POLR2F: variants seen among roughly 807,000 people sequenced by gnomAD.
POLR2F encodes RNA polymerase II, I and III subunit F.
In POLR2F, 12 loss-of-function variants were observed where a neutral mutation model predicts 22.7. The observed-to-expected ratio is 0.53, with a 90% CI of 0.34 to 0.86. POLR2F has a LOEUF of 0.86. Among genes scored for constraint, POLR2F ranks in the 40% least tolerant of loss-of-function variants. The pLI is 0.02. For synonymous variants in POLR2F, 57 were observed against 66.0 expected (o/e 0.86, Z 0.66); for missense variants, 126 against 171.5 (o/e 0.73, Z 1.48).
intron 1 of POLR2F, among the ~76,000 whole-genome samples, chr22:38,013,894 G>A (rs909077269): frequency 2.0e-5 from 3 of 152,086 alleles, no homozygotes; most frequent in East Asian, 1.9e-4. Flanking sequence ...AGGCTGAGGC[G>A]GGCGGATCAC....
intron 1 of POLR2F, among the ~76,000 whole-genome samples, chr22:38,018,016 TG>T (rs2084929409): frequency 6.6e-6 from 1 of 152,236 alleles, no homozygotes; most frequent in African/African-American, 2.4e-5. Flanking sequence ...CAGATCCTCC[TG>T]GGCTTCAGCT....
chr22:37,995,995 C>T (rs561692457), intron 1 of POLR2F, among the ~76,000 whole-genome samples: 13 of 152,202 alleles, frequency 8.5e-5, no homozygotes, highest in African/African-American at 2.4e-4. Flanking sequence ...GAGTGAGACC[C>T]TGTCTCAAAA....
At chr22:38,035,043 T>C (rs996014613) in intron 5 of POLR2F, among the ~76,000 whole-genome samples, 2 of 151,968 alleles carry the variant, frequency 1.3e-5, no homozygotes, top group South Asian at 2.1e-4. Flanking sequence ...TCTTGGCCTC[T>C]GCAAATCCTG....
At position 37,959,339 on chromosome 22, in the gene POLR2F, T is replaced by G. The variant is rs773785990; in HGVS notation, c.91-7T>G. The G allele has an allele frequency of 2.5e-6, 4 of 1,612,838 alleles. No individual in the cohort carries two copies. Among genetic ancestry groups the G allele is most frequent in the Middle Eastern group, 1.7e-4 (1 of 6,048 alleles). ...AGTCTTTCCCTCTTTTTTGTCTTGG[T>G]GTCCAGGAAGGCCAGGAGAATGTCG... On this transcript the variant is annotated splice_region_variant and splice_polypyrimidine_tract_variant and intron_variant, in intron 2 of 4. Transcript: ENST00000442738.
At position 38,020,560 on chromosome 22, in the gene POLR2F, A is replaced by G. The variant is rs77584029; in HGVS notation, c.121-5309A>G. Among the ~76,000 whole-genome samples, 1,494 of 151,138 alleles carry G rather than the reference A, an allele frequency of 9.9e-3. 27 individuals are homozygous for G. The highest frequency in any genetic ancestry group is 0.035 in the African/African-American group (1,446 of 41,134). On this transcript the variant is annotated intron_variant, in intron 1 of 2. Transcript: ENST00000333418. The stretch of plus-strand genomic sequence containing the variant: ...GCTGGGATTACAGGCATAAGCCACC[A>G]TGCCCGGCCTCTACTAAAAATTAAA...
At chr22:38,008,494 G>A (rs1180379338) in intron 1 of POLR2F, among the ~76,000 whole-genome samples, 2 of 151,472 alleles carry the variant, frequency 1.3e-5, no homozygotes, top group African/African-American at 2.4e-5. Context: ...GCAGTGAGCC[G>A]AGATCATGCC....
chr22:38,035,774 G>A (rs976045650), intron 5 of POLR2F, among the ~76,000 whole-genome samples: 7 of 152,314 alleles, frequency 4.6e-5, no homozygotes, highest in Admixed American at 2.6e-4. Context: ...GCGGGTGGGA[G>A]GTGCTGCCCC....
Position 37,986,946 on chromosome 22 carries a change from A to G in POLR2F, c.120+634A>G. On this transcript the variant is annotated intron_variant, in intron 1 of 2. Coordinates refer to the POLR2F transcript ENST00000333418. The surrounding 1 kb of genome is among the most constrained non-coding windows in gnomAD (Gnocchi z 4.7). Reference sequence around the variant, plus strand: ...ACACCTGGGCCTCTGCCCCAGCAGGACAACAGGAGGGCCAGTGTCACCTTC... The same window carrying G: ...ACACCTGGGCCTCTGCCCCAGCAGGGCAACAGGAGGGCCAGTGTCACCTTC... 1 of 453,178 alleles carries G rather than the reference A, an allele frequency of 2.2e-6. No homozygotes were observed. Among genetic ancestry groups the G allele is most frequent in the Non-Finnish European group, 4.5e-6 (1 of 224,438 alleles). The allele number at this position is 453,178 out of a possible 1,614,324, so 28.1% of individuals were successfully genotyped here.
At chr22:37,975,194 T>A (rs944275977) in intron 4 of POLR2F, among the ~76,000 whole-genome samples, 1 of 152,244 alleles carries the variant, frequency 6.6e-6, no homozygotes, top group Non-Finnish European at 1.5e-5. Flanking sequence ...TGCCAGGTGC[T>A]GGGGATACTA....
At chr22:38,031,491 G>A (rs6000980), downstream of POLR2F, among the ~76,000 whole-genome samples, 2,425 of 152,156 alleles carry the variant, frequency 0.016, 71 homozygotes, top group African/African-American at 0.057. The surrounding 1 kb of genome is among the most constrained non-coding windows in gnomAD (Gnocchi z 4.1). Flanking sequence ...TAAGTGTGGG[G>A]ACTGGGTCTG....
At chr22:37,998,338 G>A (rs1420883294) in intron 1 of POLR2F, among the ~76,000 whole-genome samples, 6 of 152,222 alleles carry the variant, frequency 3.9e-5, no homozygotes, top group East Asian at 1.9e-4. Context: ...GGGCCGGGCC[G>A]AGGGTCTGAG....
downstream of POLR2F, among the ~76,000 whole-genome samples, chr22:38,027,534 T>A (rs893760634): frequency 2.6e-5 from 4 of 152,068 alleles, no homozygotes; most frequent in African/African-American, 4.8e-5. Context: ...CGGAACTCCC[T>A]CCTCTCGCTG....
intron 5 of POLR2F, among the ~76,000 whole-genome samples, chr22:38,040,090 C>T (rs2085156374): frequency 6.6e-6 from 1 of 151,802 alleles, no homozygotes; most frequent in Non-Finnish European, 1.5e-5. Context: ...GCTTGGGCAA[C>T]ATAGGGAGAC....
chr22:37,982,979 C>A (rs1248004338), upstream of POLR2F, among the ~76,000 whole-genome samples: 1 of 152,236 alleles, frequency 6.6e-6, no homozygotes, highest in Non-Finnish European at 1.5e-5. Context: ...TCTTTCCAAG[C>A]GTTTCCCTCG....
chr22:37,986,266 CG>C lies in POLR2F; in HGVS notation c.75del (p.Arg26ProfsTer71), dbSNP rs1569172502. On this transcript the variant is annotated frameshift_variant, in exon 1 of 3. Transcript: ENST00000333418. LOFTEE classifies it high-confidence loss of function. This position sits in a 1 kb window ranked among gnomAD's most constrained non-coding sequence, Gnocchi z 4.7. ...CTGCCCTGCAGTCGCCTCCAACACC[CG>C]CTGCTGCCCGCCCGCTGCCTGCCTG... The C allele has an allele frequency of 1.9e-6, 3 of 1,539,284 alleles. No homozygotes were observed. Among genetic ancestry groups the C allele is most frequent in the South Asian group, 1.2e-5 (1 of 84,032 alleles).
intron 1 of POLR2F, among the ~76,000 whole-genome samples, chr22:38,024,753 A>C (rs1488672136): frequency 6.6e-6 from 1 of 152,156 alleles, no homozygotes; most frequent in Non-Finnish European, 1.5e-5. Context: ...GCCGAAGTGC[A>C]GGGAACCAAG....
intron 1 of POLR2F, among the ~76,000 whole-genome samples, chr22:38,022,589 G>C (rs924309075): frequency 6.9e-6 from 1 of 145,816 alleles, no homozygotes; most frequent in Non-Finnish European, 1.5e-5. Context: ...AGACAGAAAA[G>C]AATCTATTTA....
chr22:38,007,018 G>C (rs148501353), intron 1 of POLR2F, among the ~76,000 whole-genome samples: 1 of 152,304 alleles, frequency 6.6e-6, no homozygotes, highest in Non-Finnish European at 1.5e-5. Context: ...AAATTTACTG[G>C]TATGGGTACT....
chr22:38,010,602 G>GTTTTTTTTTTTTTTTTT, intron 1 of POLR2F, among the ~76,000 whole-genome samples: 1 of 60,890 alleles, frequency 1.6e-5, no homozygotes, highest in Non-Finnish European at 3.2e-5. Context: ...AATTCCTTGT[G>GTTTTTTTTTTTTTTTTT]TTTTTTTTTT....
Sources: allele counts gnomAD v4.1 joint callset (sites outside exome capture counted in the v4.1 genomes callset), GRCh38; gene constraint gnomAD v4.1.1; non-coding constraint Gnocchi (gnomAD v3.1); transcripts MANE v1.5; gene names NCBI Gene and HGNC (gene_info 2026-07-23, HGNC 2026-07-21).